The following CSMD3 variants were observed in gnomAD, a reference collection of about 807,000 sequenced individuals.
CSMD3 encodes CUB and sushi domain-containing protein 3.
In CSMD3, 177 loss-of-function variants were observed where a neutral mutation model predicts 435.2. That is an observed-to-expected ratio of 0.41 (90% CI 0.36 to 0.46). CSMD3 has a LOEUF of 0.46. CSMD3 is among the 20% of genes least tolerant of loss of function. The probability of loss-of-function intolerance (pLI) is 0.34; values close to 1 mark genes in which losing one functional copy is unlikely to be tolerated. For missense variants in CSMD3, 4,265 were observed against 4,504.6 expected (o/e 0.95, Z 1.52); for synonymous variants, 1,656 against 1,520.5 (o/e 1.09, Z -2.07).
intron 5 of CSMD3, among the ~76,000 whole-genome samples, chr8:113,075,232 G>T (rs893213797): frequency 9.2e-5 from 14 of 151,756 alleles, no homozygotes; most frequent in African/African-American, 2.9e-4. Flanking sequence ...TAGAACAATT[G>T]CCATTGACAT....
intron 3 of CSMD3, among the ~76,000 whole-genome samples, chr8:113,180,237 A>G (rs1306272753): frequency 6.6e-6 from 1 of 151,914 alleles, no homozygotes; most frequent in Non-Finnish European, 1.5e-5. Flanking sequence ...AGTACCTCTC[A>G]TCCTGAGACT....
chr8:113,177,893 G>A (rs1417140440), intron 3 of CSMD3, among the ~76,000 whole-genome samples: 2 of 151,828 alleles, frequency 1.3e-5, no homozygotes, highest in East Asian at 3.9e-4. Flanking sequence ...TTTTGATATT[G>A]CAAAATAATT....
At chr8:113,003,080 T>C (rs1029942184) in intron 6 of CSMD3, among the ~76,000 whole-genome samples, 4 of 151,930 alleles carry the variant, frequency 2.6e-5, no homozygotes, top group African/African-American at 4.8e-5. Flanking sequence ...ACATTTCTAC[T>C]AAAAACAATA....
At chr8:113,264,519 A>G (rs1452750136) in intron 3 of CSMD3, among the ~76,000 whole-genome samples, 3 of 151,362 alleles carry the variant, frequency 2.0e-5, no homozygotes, top group African/African-American at 7.3e-5. Context: ...TTTTCACATG[A>G]AGCACAAAGC....
intron 6 of CSMD3, among the ~76,000 whole-genome samples, chr8:112,984,817 C>T (rs1263363084): frequency 6.6e-6 from 1 of 151,996 alleles, no homozygotes; most frequent in Non-Finnish European, 1.5e-5. Context: ...CTTTCTAATA[C>T]CCTACTTTTT....
chr8:112,553,142 G>A (rs1480895389), intron 25 of CSMD3, among the ~76,000 whole-genome samples: 2 of 152,056 alleles, frequency 1.3e-5, no homozygotes, highest in African/African-American at 2.4e-5. Context: ...AGTCCCTCAG[G>A]CCTTCTAAAT....
chr8:113,089,544 C>T (rs1404612356), intron 5 of CSMD3, among the ~76,000 whole-genome samples: 1 of 151,800 alleles, frequency 6.6e-6, no homozygotes, highest in African/African-American at 2.4e-5. Context: ...GGAAGAAAAA[C>T]CCTGAAATTT....
intron 32 of CSMD3, among the ~76,000 whole-genome samples, chr8:112,456,224 A>T (rs541562667): frequency 6.6e-5 from 10 of 152,284 alleles, no homozygotes; most frequent in African/African-American, 2.2e-4. Context: ...GGTAAGAACT[A>T]TGAATGTGGA....
At position 112,304,834 on chromosome 8, in the gene CSMD3, T is replaced by C. The variant is rs1054483732; in HGVS notation, c.8153A>G (p.Lys2718Arg). 10 of 1,613,956 alleles carry C rather than the reference T, an allele frequency of 6.2e-6. No homozygotes were observed. The Admixed American group carries it at 1.2e-4, about 19-fold the overall frequency. ...RIVNGSHYEY[K>R]TKVVFSCDPG... ...GTCACAGCTGAAAACTACTTTGGTT[T>C]TGTATTCATAATGGGAGCCATTCAC... The change falls in exon 52 of 71, where the codon AAA becomes AGA. Residue 2718 changes from lysine (K) to arginine (R), a missense_variant. Physicochemically the swap from Lys to Arg is conservative, Grantham distance 26 (BLOSUM62 2). Around this residue, in one of 3 missense-constraint regions of CSMD3, gnomAD observed 3,255 missense variants for 3,380.2 expected, o/e 0.96. Coordinates refer to ENST00000297405, the MANE Select transcript of CSMD3 (RefSeq NM_198123.2).
intron 6 of CSMD3, among the ~76,000 whole-genome samples, chr8:113,011,222 A>G (rs2086243971): frequency 6.6e-6 from 1 of 151,826 alleles, no homozygotes; most frequent in African/African-American, 2.4e-5. Flanking sequence ...CTTATTTTAT[A>G]TATTAAAACT....
intron 6 of CSMD3, among the ~76,000 whole-genome samples, chr8:113,004,701 A>G (rs562947389): frequency 6.6e-6 from 1 of 152,052 alleles, no homozygotes; most frequent in African/African-American, 2.4e-5. Flanking sequence ...GAAGTCTGTG[A>G]AAGAACTACT....
intron 3 of CSMD3, among the ~76,000 whole-genome samples, chr8:113,273,493 T>A (rs1219882375): frequency 6.6e-6 from 1 of 152,122 alleles, no homozygotes; most frequent in Non-Finnish European, 1.5e-5. Flanking sequence ...CTATGAGCAC[T>A]CTATTCTGTT....
At position 112,465,989 on chromosome 8, in the gene CSMD3, AG is replaced by A. The variant is rs1481340677; in HGVS notation, c.5395+6601del. Among the ~76,000 whole-genome samples, 81 of 151,896 alleles carry A rather than the reference AG, an allele frequency of 5.3e-4. 1 individual carries two copies. The Middle Eastern group carries it at 0.01, about 19-fold the overall frequency. ...GACACCATCTCAAAAAAAAAAAAAA[AG>A]AGTTCCCTGTTCTTTTCGATTGCTC... On this transcript the variant is annotated intron_variant, in intron 32 of 70. Transcript: ENST00000297405.
At chr8:112,994,786 A>G (rs1050277553) in intron 6 of CSMD3, among the ~76,000 whole-genome samples, 2 of 151,532 alleles carry the variant, frequency 1.3e-5, no homozygotes, top group African/African-American at 4.8e-5. Context: ...ATGTTTACTT[A>G]TAAGTTAGAA....
chr8:112,706,862 A>G (rs969468595), intron 13 of CSMD3, among the ~76,000 whole-genome samples: 2 of 152,154 alleles, frequency 1.3e-5, no homozygotes, highest in African/African-American at 4.8e-5. Context: ...ATCTAATAAT[A>G]GAGCAGTAAA....
At chr8:113,012,377 T>C (rs1039860949) in intron 6 of CSMD3, among the ~76,000 whole-genome samples, 3 of 151,972 alleles carry the variant, frequency 2.0e-5, no homozygotes, top group Non-Finnish European at 2.9e-5. Context: ...ACCATAAAAG[T>C]AATCTACTCA....
intron 35 of CSMD3, among the ~76,000 whole-genome samples, chr8:112,393,247 A>T (rs1830589963): frequency 6.6e-6 from 1 of 152,128 alleles, no homozygotes; most frequent in African/African-American, 2.4e-5. Flanking sequence ...GTATGTAACT[A>T]TAATTTCCCA....
chr8:113,297,669 T>C (rs1445327869), intron 2 of CSMD3, among the ~76,000 whole-genome samples: 1 of 152,126 alleles, frequency 6.6e-6, no homozygotes, highest in African/African-American at 2.4e-5. Context: ...AAGACAAATA[T>C]AGCTGCTCCT....
intron 45 of CSMD3, among the ~76,000 whole-genome samples, chr8:112,332,954 G>A (rs1824205607): frequency 6.6e-6 from 1 of 152,024 alleles, no homozygotes; most frequent in Admixed American, 6.6e-5. Context: ...TTGCCCATAG[G>A]ATTTTTTGAC....
Sources: allele counts gnomAD v4.1 joint callset (sites outside exome capture counted in the v4.1 genomes callset), GRCh38; gene constraint gnomAD v4.1.1; regional missense constraint gnomAD v4.1.1; transcripts MANE v1.5; gene names NCBI Gene and HGNC (gene_info 2026-07-23, HGNC 2026-07-21).